INVS: variants seen among roughly 807,000 people sequenced by gnomAD.
INVS encodes inversin.
INVS carries 86 observed loss-of-function variants against 108.8 expected under a neutral mutation model. That is an observed-to-expected ratio of 0.79 (90% CI 0.66 to 0.95). The LOEUF (loss-of-function observed/expected upper bound fraction) is 0.95. Ranked by LOEUF, INVS falls within the 40% of genes least tolerant of loss-of-function variation. INVS has a pLI of 0.00. For synonymous variants in INVS, 455 were observed against 473.5 expected (o/e 0.96, Z 0.51); for missense variants, 1,169 against 1,297.4 (o/e 0.90, Z 1.52).
chr9:100,242,370 T>C (rs1215773897), intron 6 of INVS, among the ~76,000 whole-genome samples, 200 bp from the exon 7 acceptor site: 5 of 152,206 alleles, frequency 3.3e-5, no homozygotes, highest in Admixed American at 1.3e-4. Context: ...ATTAAGTTTT[T>C]AGTAAGTTTT....
Position 100,272,953 on chromosome 9 carries a change from T to C in INVS, c.1661T>C (p.Ile554Thr), listed in dbSNP as rs748753412. 9.0e-5 allele frequency: 145 copies of C among 1,613,956 alleles called. No homozygotes were observed. Among genetic ancestry groups the C allele is most frequent in the African/African-American group, 1.9e-4 (14 of 74,874 alleles). ...LEHGALSIAA[I>T]QDIAAFKIQA... ...CACGGTGCCCTGTCCATCGCAGCCA[T>C]ACAAGACATCGCCGCCTTCAAAATC... The change falls in exon 12 of 17, where the codon ATA becomes ACA. Residue 554 changes from isoleucine (I) to threonine (T), a missense_variant. Coordinates refer to ENST00000262457, the MANE Select transcript of INVS (RefSeq NM_014425.5).
intron 3 of INVS, among the ~76,000 whole-genome samples, chr9:100,188,635 CTT>C (rs11309021): frequency 1.7e-4 from 22 of 128,218 alleles, no homozygotes; most frequent in Admixed American, 3.1e-4. Flanking sequence ...TAGTTTCTTT[CTT>C]TTTTTTTTTT....
intron 3 of INVS, among the ~76,000 whole-genome samples, chr9:100,144,155 T>C (rs1423826616): frequency 1.3e-5 from 2 of 152,092 alleles, no homozygotes; most frequent in African/African-American, 4.8e-5. Context: ...CCGGCACTTG[T>C]AGCAAGCTTC....
At chr9:100,117,523 AC>A in intron 2 of INVS, 2 of 981,194 alleles carry the variant, frequency 2.0e-6, no homozygotes, top group Non-Finnish European at 3.2e-6. Context: ...CACGGCCGCA[AC>A]CCCGGCCCCG....
rs1054373202 is a variant in INVS at position 100,298,845 on chromosome 9, C to A, written c.3091+835C>A. Among the ~76,000 whole-genome samples, 8 of 152,080 alleles carry A rather than the reference C, an allele frequency of 5.3e-5. 1 individual carries two copies. In the East Asian group the frequency reaches 1.5e-3, roughly 29 times the overall value. On this transcript the variant is annotated intron_variant, in intron 16 of 16. Transcript: ENST00000262457. The stretch of plus-strand genomic sequence containing the variant: ...GGTGGGTGGGGTAGTTAGAAACTTT[C>A]AAAGCAATCAAGGCCTACAGTCTGT...
intron 3 of INVS, among the ~76,000 whole-genome samples, chr9:100,199,409 CTTA>C (rs747413508): frequency 7.2e-5 from 11 of 152,038 alleles, no homozygotes; most frequent in Non-Finnish European, 1.3e-4. Context: ...AGTTTTTCAT[CTTA>C]TTATTTTTAT....
chr9:100,225,977 T>C, intron 3 of INVS, 85 bp from the exon 4 acceptor site: 1 of 924,806 alleles, frequency 1.1e-6, no homozygotes, highest in Non-Finnish European at 1.7e-6. Context: ...GGAGAATAAT[T>C]AACATACTTA....
intron 3 of INVS, among the ~76,000 whole-genome samples, chr9:100,187,499 C>A (rs1830087049): frequency 1.4e-5 from 2 of 143,684 alleles, no homozygotes; most frequent in South Asian, 4.3e-4. Flanking sequence ...GGATGTGTTT[C>A]CATTTGTTTG....
At chr9:100,146,475 C>T (rs749006056) in intron 3 of INVS, among the ~76,000 whole-genome samples, 77 of 152,176 alleles carry the variant, frequency 5.1e-4, no homozygotes, top group Admixed American at 1.2e-3. Flanking sequence ...TGTGTACGTG[C>T]AGGTCACAGG....
chr9:100,161,988 T>G (rs1169440482), intron 3 of INVS, among the ~76,000 whole-genome samples: 1 of 152,188 alleles, frequency 6.6e-6, no homozygotes, highest in Non-Finnish European at 1.5e-5. Context: ...ACAGTTAGAC[T>G]TCCTGCAAGG....
intron 12 of INVS, among the ~76,000 whole-genome samples, chr9:100,282,257 CG>C (rs1833300862): frequency 6.6e-6 from 1 of 152,146 alleles, no homozygotes. Flanking sequence ...TGCTTGCATC[CG>C]TATGAATCTC....
At chr9:100,216,358 G>T (rs573058819) in intron 3 of INVS, among the ~76,000 whole-genome samples, 10 of 152,160 alleles carry the variant, frequency 6.6e-5, no homozygotes, top group African/African-American at 2.4e-4. Context: ...CTGTCATTGA[G>T]GTTGGACAGC....
At chr9:100,230,513 G>GTTTAT (rs894879213) in intron 5 of INVS, among the ~76,000 whole-genome samples, 15 of 151,896 alleles carry the variant, frequency 9.9e-5, no homozygotes, top group South Asian at 2.1e-4. Flanking sequence ...ACCTTATGCT[G>GTTTAT]TTTATTTTAT....
chr9:100,292,228 G>T, intron 13 of INVS, 98 bp from the exon 14 acceptor site: 1 of 1,084,238 alleles, frequency 9.2e-7, no homozygotes. Flanking sequence ...CTATTATGGT[G>T]ATGATATAGG....
At chr9:100,161,114 G>T (rs193229728) in intron 3 of INVS, among the ~76,000 whole-genome samples, 1 of 144,792 alleles carries the variant, frequency 6.9e-6, no homozygotes, top group South Asian at 2.1e-4. Context: ...ATCCCAGCAC[G>T]CCTGTAATCC....
intron 5 of INVS, among the ~76,000 whole-genome samples, chr9:100,234,931 G>C (rs1182738860): frequency 6.6e-6 from 1 of 152,138 alleles, no homozygotes; most frequent in African/African-American, 2.4e-5. Flanking sequence ...TTAATTTTCT[G>C]TTGTGTTGAT....
intron 12 of INVS, among the ~76,000 whole-genome samples, chr9:100,274,600 G>C (rs2118679044): frequency 6.6e-6 from 1 of 152,302 alleles, no homozygotes; most frequent in South Asian, 2.1e-4. Flanking sequence ...CACCTCCCGG[G>C]TTCAAGCGAT....
intron 3 of INVS, among the ~76,000 whole-genome samples, chr9:100,216,962 A>G (rs2787364): frequency 0.51 from 77,456 of 151,912 alleles, 20,765 homozygotes; most frequent in African/African-American, 0.6. Context: ...CCTTGAACCT[A>G]AGGATACCTG....
At chr9:100,174,394 C>A (rs1829643187) in intron 3 of INVS, among the ~76,000 whole-genome samples, 1 of 150,618 alleles carries the variant, frequency 6.6e-6, no homozygotes, top group South Asian at 2.1e-4. Flanking sequence ...TAGAAATTAA[C>A]CAATCTTTAA....
Sources: allele counts gnomAD v4.1 joint callset (sites outside exome capture counted in the v4.1 genomes callset), GRCh38; gene constraint gnomAD v4.1.1; transcripts MANE v1.5; gene names NCBI Gene and HGNC (gene_info 2026-07-23, HGNC 2026-07-21).